PKNOX1: variants seen among roughly 807,000 people sequenced by gnomAD.
The protein encoded by PKNOX1 is homeobox protein PKNOX1.
A neutral mutation model predicts 51.9 loss-of-function variants in PKNOX1; 15 were observed. The ratio of observed to expected loss-of-function variants is 0.29; its 90% CI spans 0.19 to 0.45. The LOEUF (loss-of-function observed/expected upper bound fraction) is 0.45. PKNOX1 is among the 20% of genes least tolerant of loss of function. PKNOX1 has a pLI of 1.00. For synonymous variants in PKNOX1, 219 were observed against 211.1 expected, an observed-to-expected ratio of 1.04 and a Z score of -0.32; for missense variants, 462 against 547.5, an observed-to-expected ratio of 0.84 and a Z score of 1.56.
chr21:43,001,282 C>T (rs1210450161), intron 1 of PKNOX1, among the ~76,000 whole-genome samples: 1 of 152,202 alleles, frequency 6.6e-6, no homozygotes, highest in East Asian at 1.9e-4. Context: ...TTTCTGTTAC[C>T]AGTGGCTCCC....
rs1006627605 is a variant in PKNOX1, at chr21:43,029,822, A to T, written c.1100-68A>T. The T allele has an allele frequency of 3.2e-5, 43 of 1,331,250 alleles. No homozygotes were observed. The South Asian group carries it at 5.0e-4, about 15-fold the overall frequency. 82.5% of individuals were successfully genotyped at this position (1,331,250 alleles called of 1,614,324 possible). On this transcript the variant is annotated intron_variant, in intron 10 of 10. Coordinates refer to ENST00000291547, the MANE Select transcript of PKNOX1 (RefSeq NM_004571.5). ...TAGGTCAAACGAGCAAACAGCACCC[A>T]ATTGAGTAATAAAGTGTTTTTCTGT...
chr21:42,983,392 T>C (rs1308046660), intron 1 of PKNOX1, among the ~76,000 whole-genome samples: 1 of 152,206 alleles, frequency 6.6e-6, no homozygotes, highest in African/African-American at 2.4e-5. Context: ...TTAGGTAGTA[T>C]TTGTCTTTTT....
At chr21:43,002,779 C>T (rs111873962) in intron 1 of PKNOX1, among the ~76,000 whole-genome samples, 2 of 152,154 alleles carry the variant, frequency 1.3e-5, no homozygotes, top group African/African-American at 2.4e-5. Flanking sequence ...TGCAGTGGCA[C>T]GATCTTGGCT....
chr21:42,988,300 C>CG (rs2059066785), intron 1 of PKNOX1, among the ~76,000 whole-genome samples: 1 of 152,102 alleles, frequency 6.6e-6, no homozygotes, highest in Admixed American at 6.6e-5. Context: ...CCGCCCACCT[C>CG]GGCCTCCCAA....
Position 42,989,383 on chromosome 21 carries a change from A to G in PKNOX1, c.-57+14719A>G, listed in dbSNP as rs188742538. Among the ~76,000 whole-genome samples the G allele has an allele frequency of 4.6e-5, 7 of 151,858 alleles. No individual in the cohort carries two copies. In the East Asian group the frequency reaches 1.2e-3, roughly 25 times the overall value. The stretch of plus-strand genomic sequence containing the variant: ...TCAGGATAACATTGCTTAGAGATGT[A>G]TTTTACTTGATTACTTAAATGTATG... On this transcript the variant is annotated intron_variant, in intron 1 of 10. Coordinates refer to ENST00000291547, the MANE Select transcript of PKNOX1 (RefSeq NM_004571.5).
At position 43,030,859 on chromosome 21, in the gene PKNOX1, G is replaced by A. The variant is rs1417318681; in HGVS notation, c.*758G>A. The A allele has an allele frequency of 6.6e-6, 1 of 152,124 alleles. No homozygotes were observed. The highest frequency in any genetic ancestry group is 2.4e-5 in the African/African-American group (1 of 41,420). The allele number at this position is 152,124 out of a possible 1,614,324, so 9.4% of individuals were successfully genotyped here. The stretch of plus-strand genomic sequence containing the variant: ...TGCCCAAAGTTAGCTACCGTTCCAT[G>A]GTTCTTTGCTCTCCCCGGGTAGTGA... On this transcript the variant is annotated 3_prime_UTR_variant, in exon 11 of 11. Coordinates refer to ENST00000291547, the MANE Select transcript of PKNOX1 (RefSeq NM_004571.5).
intron 1 of PKNOX1, among the ~76,000 whole-genome samples, chr21:42,976,220 TAA>T (rs10531492): frequency 0.038 from 5,792 of 152,306 alleles, 138 homozygotes; most frequent in Middle Eastern, 0.061. Flanking sequence ...GTATACTACT[TAA>T]AGTGTGCAAT....
chr21:42,984,964 ATTTTC>A (rs2059044239), intron 1 of PKNOX1, among the ~76,000 whole-genome samples: 3 of 91,776 alleles, frequency 3.3e-5, no homozygotes, highest in Non-Finnish European at 4.4e-5. Flanking sequence ...AGGGTTCCTC[ATTTTC>A]TTTTCTTTTT....
At chr21:42,978,923 A>T (rs867619083) in intron 1 of PKNOX1, among the ~76,000 whole-genome samples, 5 of 152,164 alleles carry the variant, frequency 3.3e-5, no homozygotes, top group Non-Finnish European at 7.3e-5. Context: ...TTTGAGAGAC[A>T]GGGTCTCATT....
chr21:42,983,703 C>T (rs2059037715), intron 1 of PKNOX1, among the ~76,000 whole-genome samples: 2 of 152,056 alleles, frequency 1.3e-5, no homozygotes, highest in African/African-American at 4.8e-5. Flanking sequence ...TTTTAGGGAA[C>T]CTCCATCCGA....
intron 10 of PKNOX1, 61 bp downstream of exon 10, chr21:43,028,935 G>A: frequency 6.5e-7 from 1 of 1,544,252 alleles, no homozygotes; most frequent in African/African-American, 1.4e-5. Flanking sequence ...ATGAACAAGA[G>A]GCCTGGATCA....
chr21:42,997,170 A>T (rs947690204), intron 1 of PKNOX1, among the ~76,000 whole-genome samples: 3 of 152,176 alleles, frequency 2.0e-5, no homozygotes, highest in Admixed American at 1.3e-4. Flanking sequence ...CATGAGCCAT[A>T]ACGCCTGGCC....
At chr21:42,983,688 T>G (rs1339574417) in intron 1 of PKNOX1, among the ~76,000 whole-genome samples, 1 of 152,212 alleles carries the variant, frequency 6.6e-6, no homozygotes, top group Non-Finnish European at 1.5e-5. Context: ...ATTCTGTTTT[T>G]AATTTTTTAG....
intron 1 of PKNOX1, among the ~76,000 whole-genome samples, chr21:42,985,725 G>A (rs977263903): frequency 2.0e-5 from 3 of 151,964 alleles, no homozygotes; most frequent in African/African-American, 7.2e-5. Flanking sequence ...CAGGCCGGGC[G>A]TGGTGGCTCA....
intron 1 of PKNOX1, among the ~76,000 whole-genome samples, chr21:43,000,079 A>G (rs1196011642): frequency 2.0e-5 from 3 of 151,854 alleles, no homozygotes; most frequent in Non-Finnish European, 4.4e-5. Flanking sequence ...TACTGTTCAT[A>G]TAATTATCAG....
chr21:43,014,979 TAA>T (rs1979426974), intron 5 of PKNOX1, among the ~76,000 whole-genome samples: 1 of 152,264 alleles, frequency 6.6e-6, no homozygotes, highest in Non-Finnish European at 1.5e-5. Context: ...TTTACTGCAT[TAA>T]GTCTTCCAGT....
rs911188066 is a variant in PKNOX1 at position 43,029,001 on chromosome 21, T to C, written c.1099+127T>C. 5 of 893,042 alleles carry C rather than the reference T, an allele frequency of 5.6e-6. No homozygotes were observed. The Admixed American group carries it at 8.3e-5, about 15-fold the overall frequency. The allele number at this position is 893,042 out of a possible 1,614,324, so 55.3% of individuals were successfully genotyped here. A position where few individuals can be genotyped will look rare whatever the true frequency, so the allele number is the denominator to read the frequency against. ...GGTGAACGAGAGTGCGTGGTTCTCTTTCTCTGCAACTAAAACATGAGGAAG... is the reference window on the plus strand; with the variant it reads ...GGTGAACGAGAGTGCGTGGTTCTCTCTCTCTGCAACTAAAACATGAGGAAG... On this transcript the variant is annotated intron_variant, in intron 10 of 10. Transcript: ENST00000291547.
chr21:43,008,740 C>T lies in PKNOX1; in HGVS notation c.179+1122C>T, dbSNP rs570601890. Among the ~76,000 whole-genome samples, 3 of 152,032 alleles carry T rather than the reference C, an allele frequency of 2.0e-5. No homozygotes were observed. In the South Asian group the frequency reaches 6.2e-4, roughly 32 times the overall value. On this transcript the variant is annotated intron_variant, in intron 3 of 10. Coordinates refer to ENST00000291547, the MANE Select transcript of PKNOX1 (RefSeq NM_004571.5). The stretch of plus-strand genomic sequence containing the variant: ...GTTGCAGTGAGCTGAGATCATGCCA[C>T]TGTACTCCAGTCTGAGTGACAGAGA...
rs112300209 is a variant in PKNOX1 at position 42,989,654 on chromosome 21, A to G, written c.-56-14672A>G. Among the ~76,000 whole-genome samples, 622 of 152,188 alleles carry G rather than the reference A, an allele frequency of 4.1e-3. 4 individuals carry two copies. The highest frequency in any genetic ancestry group is 0.014 in the African/African-American group (590 of 41,526). On this transcript the variant is annotated intron_variant, in intron 1 of 10. Coordinates refer to ENST00000291547, the MANE Select transcript of PKNOX1 (RefSeq NM_004571.5). ...GGCTGGTCTTGAACTCCTGACCTCA[A>G]GTAATCTGCCTGCCTCAGCCTCCCA...
Sources: gnomAD v4.1 joint callset for allele counts (sites outside exome capture counted in the v4.1 genomes callset) on GRCh38, gnomAD v4.1.1 for gene constraint, MANE v1.5 for transcripts, NCBI Gene and HGNC (gene_info 2026-07-23, HGNC 2026-07-21) for gene names.